Variants in WAC observed in about 807,000 individuals in gnomAD.
WAC encodes WW domain-containing adapter protein with coiled-coil.
In WAC, 11 loss-of-function variants were observed where a neutral mutation model predicts 79.6. The observed-to-expected ratio is 0.14, with a 90% CI of 0.09 to 0.23. WAC has a LOEUF of 0.23. Among genes scored for constraint, WAC ranks in the 10% least tolerant of loss-of-function variants. The pLI is 1.00. For synonymous variants in WAC, 304 were observed against 276.9 expected, an observed-to-expected ratio of 1.10 and a Z score of -0.97; for missense variants, 728 against 773.5, an observed-to-expected ratio of 0.94 and a Z score of 0.70.
intron 6 of WAC, among the ~76,000 whole-genome samples, chr10:28,594,708 GA>G (rs776433509): frequency 6.6e-6 from 1 of 152,036 alleles, no homozygotes; most frequent in East Asian, 1.9e-4. Context: ...GCTGTGAATT[GA>G]AAAAAACTAT....
chr10:28,594,716 CTA>C (rs779660112), intron 6 of WAC, among the ~76,000 whole-genome samples: 7 of 152,124 alleles, frequency 4.6e-5, no homozygotes, highest in Non-Finnish European at 1.0e-4. Flanking sequence ...TTGAAAAAAA[CTA>C]TACAATAATC....
At chr10:28,540,711 A>G (rs1589124826) in intron 3 of WAC, among the ~76,000 whole-genome samples, 1 of 152,224 alleles carries the variant, frequency 6.6e-6, no homozygotes, top group South Asian at 2.1e-4. Context: ...AAAAATAGTG[A>G]CACATGACCT....
intron 3 of WAC, among the ~76,000 whole-genome samples, chr10:28,557,514 G>A (rs917725401): frequency 2.0e-5 from 3 of 152,118 alleles, no homozygotes; most frequent in African/African-American, 7.2e-5. Flanking sequence ...TGAACATAGT[G>A]AGACCTTGTC....
chr10:28,618,051 T>A lies in WAC; in HGVS notation c.1874+267T>A. 1.3e-5 allele frequency: 3 copies of A among 236,660 alleles called. 1 individual carries two copies. In the South Asian group the frequency reaches 1.9e-4, roughly 15 times the overall value. The allele number at this position is 236,660 out of a possible 1,614,324, so 14.7% of individuals were successfully genotyped here. A position where few individuals can be genotyped will look rare whatever the true frequency, so the allele number is the denominator to read the frequency against. ...ATATATTACTGAAAAAATGAAATAT[T>A]GACCACAACTAATTATAAATGTCCT... is the stretch of plus-strand genomic sequence containing the variant. On this transcript the variant is annotated intron_variant, in intron 13 of 13. Coordinates refer to ENST00000354911, the MANE Select transcript of WAC (RefSeq NM_016628.5).
chr10:28,598,201 G>A (rs1840475483), intron 7 of WAC, among the ~76,000 whole-genome samples: 1 of 152,184 alleles, frequency 6.6e-6, no homozygotes, highest in Non-Finnish European at 1.5e-5. Flanking sequence ...TAAACATCCA[G>A]ATGATAAAGT....
chr10:28,570,070 C>T (rs1249235530), intron 3 of WAC, among the ~76,000 whole-genome samples: 2 of 152,182 alleles, frequency 1.3e-5, no homozygotes, highest in African/African-American at 4.8e-5. Flanking sequence ...TCAGCTGAGA[C>T]ACATGAGCAG....
At chr10:28,614,899 G>A in intron 11 of WAC, 1 of 377,650 alleles carries the variant, frequency 2.6e-6, no homozygotes, top group East Asian at 4.3e-5. Flanking sequence ...TTTGAAGAAA[G>A]TGGCTCTTTA....
At chr10:28,533,965 C>T (rs745880058) in intron 1 of WAC, 33 bp from the exon 2 acceptor site, 51 of 1,605,172 alleles carry the variant, frequency 3.2e-5, no homozygotes, top group East Asian at 4.6e-5. Context: ...CGCGCCGTGT[C>T]TTATGTCGCT....
intron 3 of WAC, among the ~76,000 whole-genome samples, chr10:28,538,524 G>A (rs1436357230): frequency 3.4e-5 from 5 of 148,722 alleles, no homozygotes; most frequent in Admixed American, 2.0e-4. Flanking sequence ...GGAGGTTGCA[G>A]TGAGCTGAGA....
At chr10:28,573,116 C>T (rs1005249257) in intron 3 of WAC, among the ~76,000 whole-genome samples, 27 of 44,892 alleles carry the variant, frequency 6.0e-4, no homozygotes, top group Admixed American at 2.2e-3. Context: ...TTTTACATGG[C>T]TATTTTTTTT....
chr10:28,584,231 A>C (rs1839689129), intron 4 of WAC, among the ~76,000 whole-genome samples: 1 of 152,206 alleles, frequency 6.6e-6, no homozygotes, highest in Non-Finnish European at 1.5e-5. Flanking sequence ...GGTGAGGAAG[A>C]TAGTAAAGTA....
chr10:28,541,415 GTTTTGTT>G (rs1837027320), intron 3 of WAC, among the ~76,000 whole-genome samples: 3 of 37,904 alleles, frequency 7.9e-5, no homozygotes, highest in Admixed American at 4.1e-4. Flanking sequence ...GTGTGTGTGT[GTTTTGTT>G]TTTTTTTTTT....
At position 28,620,398 on chromosome 10, in the gene WAC, G is replaced by T. The variant is rs1359913553; in HGVS notation, c.*792G>T. On this transcript the variant is annotated 3_prime_UTR_variant, in exon 14 of 14. Transcript: ENST00000354911. ...AAGAATGGACTTAAAAGTACTGCTG[G>T]ACAGGCATGTGTGCTCAAAGTACAT... 1 of 152,564 alleles carries T rather than the reference G, an allele frequency of 6.6e-6. No homozygotes were observed. Among genetic ancestry groups the T allele is most frequent in the African/African-American group, 2.4e-5 (1 of 41,404 alleles). The allele number at this position is 152,564 out of a possible 1,614,324, so 9.5% of individuals were successfully genotyped here. A position where few individuals can be genotyped will look rare whatever the true frequency, so the allele number is the denominator to read the frequency against.
chr10:28,589,800 A>C lies in WAC; in HGVS notation c.446A>C (p.Asn149Thr), dbSNP rs763061014. The change falls in exon 5 of 14, where the codon AAT (asparagine) becomes ACT (threonine). Residue 149 changes from asparagine (N) to threonine (T), a missense_variant. Transcript: ENST00000354911. ...TCTTCTGGGAAAAAGTACTACTACA[A>C]TTGTCGAACAGAAGTTTCACAATGG... ...ISSSGKKYYY[N>T]CRTEVSQWEK... The C allele has an allele frequency of 6.2e-7, 1 of 1,613,818 alleles. No homozygotes were observed. Among genetic ancestry groups the C allele is most frequent in the African/African-American group, 1.3e-5 (1 of 74,926 alleles).
chr10:28,561,318 C>A (rs1320860958), intron 3 of WAC, among the ~76,000 whole-genome samples: 1 of 152,186 alleles, frequency 6.6e-6, no homozygotes, highest in Non-Finnish European at 1.5e-5. Flanking sequence ...AGGAAGCCCC[C>A]ATGTACTACC....
chr10:28,538,761 G>C (rs1836828876), intron 3 of WAC, among the ~76,000 whole-genome samples: 1 of 150,144 alleles, frequency 6.7e-6, no homozygotes, highest in African/African-American at 2.4e-5. Flanking sequence ...TGATTAGCTG[G>C]GTGTGGTGGG....
chr10:28,571,017 C>T (rs531227775), intron 3 of WAC, among the ~76,000 whole-genome samples: 27 of 123,892 alleles, frequency 2.2e-4, no homozygotes, highest in Non-Finnish European at 3.4e-4. Flanking sequence ...AGTTCAGTGG[C>T]GCGATCTTGG....
intron 7 of WAC, among the ~76,000 whole-genome samples, chr10:28,603,690 T>C (rs1363327451): frequency 1.3e-5 from 2 of 151,884 alleles, no homozygotes; most frequent in Non-Finnish European, 2.9e-5. Flanking sequence ...CCCAGCACTT[T>C]GGGAGACTGA....
At chr10:28,552,613 T>G (rs1837741768) in intron 3 of WAC, among the ~76,000 whole-genome samples, 1 of 152,178 alleles carries the variant, frequency 6.6e-6, no homozygotes, top group East Asian at 1.9e-4. Context: ...TTTTGAATCA[T>G]ATAGTCAGAA....
Sources: allele counts gnomAD v4.1 joint callset (sites outside exome capture counted in the v4.1 genomes callset), GRCh38; gene constraint gnomAD v4.1.1; transcripts MANE v1.5; gene names NCBI Gene and HGNC (gene_info 2026-07-23, HGNC 2026-07-21).